LSM4: variants seen among roughly 807,000 people sequenced by gnomAD.
The protein encoded by LSM4 is U6 snRNA-associated Sm-like protein LSm4.
In LSM4, 15 loss-of-function variants were observed where a neutral mutation model predicts 22.3. That is an observed-to-expected ratio of 0.67 (90% confidence interval 0.45 to 1.03). The LOEUF (loss-of-function observed/expected upper bound fraction) is 1.03. Ranked by LOEUF, LSM4 falls within the 50% of genes least tolerant of loss-of-function variation. LSM4 has a pLI of 0.00. For synonymous variants in LSM4, 90 were observed against 79.8 expected (o/e 1.13, Z -0.68); for missense variants, 127 against 198.0 (o/e 0.64, Z 2.15).
At position 18,314,459 on chromosome 19, in the gene LSM4, G is replaced by A. The variant is rs551355308; in HGVS notation, c.45+1565C>T. On this transcript the variant is annotated intron_variant, in intron 2 of 4. Coordinates refer to ENST00000593829, the MANE Select transcript of LSM4 (RefSeq NM_012321.5). ...GGAAAATGGCGTGAAACCAGGAGGC[G>A]GAGCTTGCAGTGAGCCCAGATCACT... is the stretch of plus-strand genomic sequence containing the variant. Among the ~76,000 whole-genome samples, 8 of 152,004 alleles carry A rather than the reference G, an allele frequency of 5.3e-5. 1 individual carries two copies. The highest frequency in any genetic ancestry group is 4.2e-4 in the South Asian group (2 of 4,806).
chr19:18,313,728 C>A (rs183796980), intron 2 of LSM4, among the ~76,000 whole-genome samples: 6 of 152,236 alleles, frequency 3.9e-5, no homozygotes, highest in African/African-American at 1.4e-4. Flanking sequence ...GTTGCCCAGA[C>A]TGGTCCCAAA....
At position 18,307,486 on chromosome 19, in the gene LSM4, C is replaced by T. The variant is rs373388703; in HGVS notation, c.398G>A (p.Gly133Asp). ...TGRGQPEKKPGRQAGKQ is the reference protein window; with the variant it reads ...TGRGQPEKKPDRQAGKQ Reference sequence around the variant, plus strand: ...CGCTCACTGTTTGCCCGCCTGTCTGCCAGGCTTCTTCTCTGGCTGGCCTCT... The same window carrying T: ...CGCTCACTGTTTGCCCGCCTGTCTGTCAGGCTTCTTCTCTGGCTGGCCTCT... Residue 133 changes from glycine (G) to aspartate (D), a missense_variant, in exon 5 of 5, where the codon GGC becomes GAC. Gly to Asp is a moderately conservative substitution (Grantham distance 94). Coordinates refer to ENST00000593829, the MANE Select transcript of LSM4 (RefSeq NM_012321.5). 1 of 1,552,876 alleles carries T rather than the reference C, an allele frequency of 6.4e-7. No homozygotes were observed.
chr19:18,308,601 C>T (rs1970259605), intron 4 of LSM4, among the ~76,000 whole-genome samples: 1 of 152,182 alleles, frequency 6.6e-6, no homozygotes, highest in Non-Finnish European at 1.5e-5. Flanking sequence ...GAGGCTCAGT[C>T]GTGGGCCAGG....
chr19:18,306,655 T>A lies in LSM4; in HGVS notation c.*809A>T, dbSNP rs1156968293. 1 of 152,186 alleles carries A rather than the reference T, an allele frequency of 6.6e-6. No individual in the cohort carries two copies. 9.4% of individuals were successfully genotyped at this position (152,186 alleles called of 1,614,324 possible). A position where few individuals can be genotyped will look rare whatever the true frequency, so the allele number is the denominator to read the frequency against. On this transcript the variant is annotated 3_prime_UTR_variant, in exon 5 of 5. Coordinates refer to ENST00000593829, the MANE Select transcript of LSM4 (RefSeq NM_012321.5). ...CCACACACCCCTTGGCATTAACGTC[T>A]CCACAGAGGGGAGAGGGTTATAGGA...
At chr19:18,307,627 A>C (rs1299947391) in intron 4 of LSM4, 72 bp from the exon 5 acceptor site, 12 of 1,150,500 alleles carry the variant, frequency 1.0e-5, no homozygotes, top group Non-Finnish European at 1.4e-5. Context: ...CGGCGCCCTG[A>C]AACTCTAGGC....
At chr19:18,318,358 C>A (rs1970382556) in intron 1 of LSM4, among the ~76,000 whole-genome samples, 1 of 152,210 alleles carries the variant, frequency 6.6e-6, no homozygotes, top group Admixed American at 6.5e-5. Flanking sequence ...AGCAGGAAGC[C>A]AGGCCCAAGC....
At position 18,309,659 on chromosome 19, in the gene LSM4, C is replaced by T. The variant is rs763975746; in HGVS notation, c.328+19G>A. The stretch of plus-strand genomic sequence containing the variant: ...TGTCTTCCCGCCCCAGGTACGTCCA[C>T]TGGAGAGGGGAGACCCACCTCGGCC... On this transcript the variant is annotated intron_variant, in intron 4 of 4. Transcript: ENST00000593829. 7.6e-6 allele frequency: 12 copies of T among 1,575,510 alleles called. No homozygotes were observed. The Admixed American group carries it at 1.9e-4, about 25-fold the overall frequency.
intron 1 of LSM4, among the ~76,000 whole-genome samples, chr19:18,322,258 A>G (rs897765095): frequency 6.6e-6 from 1 of 151,998 alleles, no homozygotes; most frequent in Non-Finnish European, 1.5e-5. Context: ...AAAAAGAAGG[A>G]CCAGAAGCTG....
At chr19:18,314,278 T>C (rs1204694197) in intron 2 of LSM4, among the ~76,000 whole-genome samples, 1 of 151,504 alleles carries the variant, frequency 6.6e-6, no homozygotes, top group African/African-American at 2.4e-5. Context: ...CCCAGCACTT[T>C]GGGAGGCCGA....
intron 3 of LSM4, among the ~76,000 whole-genome samples, chr19:18,311,448 G>A (rs531996800): frequency 1.3e-5 from 2 of 152,330 alleles, no homozygotes; most frequent in South Asian, 2.1e-4. Flanking sequence ...GCTGGAGGCA[G>A]AGGCCAAACC....
In LSM4 at chr19:18,309,557, G is replaced by C. The variant is rs780322679; in HGVS notation, c.328+121C>G. 8 of 1,105,160 alleles carry C rather than the reference G, an allele frequency of 7.2e-6. 1 individual carries two copies. In the South Asian group the frequency reaches 8.1e-5, roughly 11 times the overall value. The allele number at this position is 1,105,160 out of a possible 1,614,324, so 68.5% of individuals were successfully genotyped here. ...TCGGCTCATGGCCAAGGACCAGGAG[G>C]GGGGCCCGGGAGGGTTGGGAGGCTC... On this transcript the variant is annotated intron_variant, in intron 4 of 4. Coordinates refer to ENST00000593829, the MANE Select transcript of LSM4 (RefSeq NM_012321.5).
intron 3 of LSM4, among the ~76,000 whole-genome samples, chr19:18,310,772 A>G (rs1970290130): frequency 6.6e-6 from 1 of 152,158 alleles, no homozygotes; most frequent in Non-Finnish European, 1.5e-5. Context: ...GCCTGGGGGC[A>G]AGGTCTAAGA....
intron 2 of LSM4, among the ~76,000 whole-genome samples, chr19:18,315,547 TTTTC>T (rs1255288353): frequency 6.6e-6 from 1 of 152,052 alleles, no homozygotes; most frequent in Non-Finnish European, 1.5e-5. Context: ...ACCTCATTAA[TTTTC>T]TTTTTCTAGA....
chr19:18,321,885 T>C (rs1970428411), intron 1 of LSM4, among the ~76,000 whole-genome samples: 1 of 152,004 alleles, frequency 6.6e-6, no homozygotes, highest in Non-Finnish European at 1.5e-5. Flanking sequence ...CTCCAACCAA[T>C]CAGCACTCCC....
chr19:18,307,786 C>CGG lies in LSM4; in HGVS notation c.329-233_329-232dup, dbSNP rs35068456. 8.7e-5 allele frequency among the ~76,000 whole-genome samples: 13 copies of CGG among 150,288 alleles called. No individual in the cohort carries two copies. In the East Asian group the frequency reaches 1.0e-3, roughly 12 times the overall value. ...GGACTAGACCCAGCCCCCAGGGATG[C>CGG]GGGGGGGGGGGACTAGGCGACAGAG... On this transcript the variant is annotated intron_variant, in intron 4 of 4. Transcript: ENST00000593829.
At chr19:18,311,721 C>T (rs115191301) in intron 3 of LSM4, among the ~76,000 whole-genome samples, 2,735 of 152,264 alleles carry the variant, frequency 0.018, 93 homozygotes, top group African/African-American at 0.061. Context: ...GAGCTTCTAG[C>T]GCTGCTGCAC....
intron 1 of LSM4, among the ~76,000 whole-genome samples, chr19:18,321,936 T>G (rs1310558671): frequency 6.6e-6 from 1 of 152,154 alleles, no homozygotes; most frequent in Non-Finnish European, 1.5e-5. Context: ...CTTTCAAAAC[T>G]CGGATCCCCT....
Position 18,307,316 on chromosome 19 carries a change from G to A in LSM4, c.*148C>T. 1 of 524,958 alleles carries A rather than the reference G, an allele frequency of 1.9e-6. No individual in the cohort carries two copies. Among genetic ancestry groups the A allele is most frequent in the Non-Finnish European group, 3.1e-6 (1 of 325,634 alleles). 32.5% of individuals were successfully genotyped at this position (524,958 alleles called of 1,614,324 possible). ...AATTGCCGGTTTTAGCAAGAAAAAG[G>A]GGCTTCACCTAAAAGGGAGGGTCAC... On this transcript the variant is annotated 3_prime_UTR_variant, in exon 5 of 5. Coordinates refer to ENST00000593829, the MANE Select transcript of LSM4 (RefSeq NM_012321.5).
At chr19:18,315,339 G>A (rs1433260737) in intron 2 of LSM4, among the ~76,000 whole-genome samples, 4 of 152,092 alleles carry the variant, frequency 2.6e-5, no homozygotes, top group South Asian at 2.1e-4. Flanking sequence ...ATGGAGAGAC[G>A]TGGTTTCTCC....
Sources: allele counts gnomAD v4.1 joint callset (sites outside exome capture counted in the v4.1 genomes callset), GRCh38; gene constraint gnomAD v4.1.1; transcripts MANE v1.5; gene names NCBI Gene and HGNC (gene_info 2026-07-23, HGNC 2026-07-21).